The following SFI1 variants were observed in gnomAD, a reference collection of about 807,000 sequenced individuals.
The protein encoded by SFI1 is SFI1 centrin binding protein, also known as protein SFI1 homolog.
SFI1 carries 195 observed loss-of-function variants against 207.5 expected under a neutral mutation model. The observed-to-expected ratio is 0.94, with a 90% confidence interval of 0.84 to 1.06. SFI1 has a LOEUF of 1.06. SFI1 is among the 50% of genes least tolerant of loss of function. The pLI is 0.00. For synonymous variants in SFI1, 630 were observed against 598.9 expected, an observed-to-expected ratio of 1.05 and a Z score of -0.76; for missense variants, 1,634 against 1,588.0, an observed-to-expected ratio of 1.03 and a Z score of -0.49.
At chr22:31,522,939 C>T (rs1390110835) in intron 2 of SFI1, among the ~76,000 whole-genome samples, 1 of 152,148 alleles carries the variant, frequency 6.6e-6, no homozygotes, top group African/African-American at 2.4e-5. Context: ...CAGGTGTGAG[C>T]CACAGCACCC....
intron 6 of SFI1, among the ~76,000 whole-genome samples, chr22:31,552,397 C>T (rs1270400962): frequency 6.6e-6 from 1 of 152,060 alleles, no homozygotes; most frequent in Non-Finnish European, 1.5e-5. Flanking sequence ...GGACTACAGG[C>T]GTGTGCCACC....
chr22:31,581,252 T>C (rs2064136701), intron 12 of SFI1, among the ~76,000 whole-genome samples: 2 of 151,536 alleles, frequency 1.3e-5, no homozygotes, highest in Non-Finnish European at 2.9e-5. Flanking sequence ...GTGCTGGGAT[T>C]ACAGGTGTGA....
Position 31,613,787 on chromosome 22 carries a change from G to GC in SFI1, c.2930dup (p.Gln978ThrfsTer15), listed in dbSNP as rs1165612722. 3 of 1,612,288 alleles carry GC rather than the reference G, an allele frequency of 1.9e-6. No homozygotes were observed. Among genetic ancestry groups the GC allele is most frequent in the African/African-American group, 1.3e-5 (1 of 74,924 alleles). On this transcript the variant is annotated frameshift_variant, in exon 27 of 33. Coordinates refer to ENST00000400288, the MANE Select transcript of SFI1 (RefSeq NM_001007467.3). LOFTEE classifies it high-confidence loss of function. ...GGGATGGCACCCTTGAGACCAAGAG[G>GC]CCACAGGCTTCTCGGCCTCTGGGAG... is the stretch of plus-strand genomic sequence containing the variant.
chr22:31,615,317 T>G, intron 29 of SFI1, 38 bp downstream of exon 29: 1 of 1,429,492 alleles, frequency 7.0e-7, no homozygotes, highest in Non-Finnish European at 9.2e-7. Context: ...ACTGGGGCTC[T>G]CACTCTGGTC....
intron 15 of SFI1, among the ~76,000 whole-genome samples, chr22:31,591,610 A>ACCTC (rs2065938361): frequency 9.5e-6 from 1 of 105,152 alleles, no homozygotes; most frequent in Admixed American, 9.0e-5. Flanking sequence ...GACCCCCCCC[A>ACCTC]CCTCCCTCCC....
In SFI1 at chr22:31,604,771, G is replaced by T; in HGVS notation, c.1978-98G>T. 2.7e-6 allele frequency: 3 copies of T among 1,118,308 alleles called. No homozygotes were observed. The Admixed American group carries it at 7.4e-5, about 28-fold the overall frequency. 69.3% of individuals were successfully genotyped at this position (1,118,308 alleles called of 1,614,324 possible). A position where few individuals can be genotyped will look rare whatever the true frequency, so the allele number is the denominator to read the frequency against. ...TCTTCCTACCCTTTTTGAGTTCTCTGGGCATGGCAGCCTTGTGGTAGATGC... is the reference window on the plus strand; with the variant it reads ...TCTTCCTACCCTTTTTGAGTTCTCTTGGCATGGCAGCCTTGTGGTAGATGC... On this transcript the variant is annotated intron_variant, in intron 19 of 32. Coordinates refer to ENST00000400288, the MANE Select transcript of SFI1 (RefSeq NM_001007467.3).
intron 15 of SFI1, among the ~76,000 whole-genome samples, chr22:31,594,013 A>AG (rs1408738759): frequency 1.5e-5 from 2 of 134,900 alleles, no homozygotes; most frequent in African/African-American, 5.5e-5. Context: ...GGACAGGGAG[A>AG]GGGAGAGGGA....
chr22:31,604,264 A>G, intron 18 of SFI1, 45 bp from the exon 19 acceptor site: 5 of 1,502,434 alleles, frequency 3.3e-6, no homozygotes, highest in Non-Finnish European at 3.6e-6. Context: ...GCCACCCCCA[A>G]CTCAGACCCC....
chr22:31,618,106 A>AC lies in SFI1; in HGVS notation c.3513-5dup. ...AGCCTGGCAGGCAGTGGGTATCTCC[A>AC]CCCCTCAGGTCCTGTCGGCGGCAAG... On this transcript the variant is annotated splice_polypyrimidine_tract_variant and intron_variant, in intron 31 of 32. Coordinates refer to ENST00000400288, the MANE Select transcript of SFI1 (RefSeq NM_001007467.3). 6.4e-7 allele frequency: 1 copy of AC among 1,561,736 alleles called. No homozygotes were observed. The highest frequency in any genetic ancestry group is 8.7e-7 in the Non-Finnish European group (1 of 1,153,962).
rs1272821448 is a variant in SFI1, at chr22:31,580,333, G to A, written c.1217G>A (p.Arg406Lys). Residue 406 changes from arginine (R) to lysine (K), a missense_variant, in exon 12 of 33, where the codon AGG becomes AAG. Arg to Lys is a conservative substitution (Grantham distance 26). Transcript: ENST00000400288. Reference sequence around the variant, plus strand: ...CACGCTCATCTCCAGCAAATAAGAAGGAATCTTGCTCACCAGCAGCATGGT... The same window carrying A: ...CACGCTCATCTCCAGCAAATAAGAAAGAATCTTGCTCACCAGCAGCATGGT... ...VTHAHLQQIR[R>K]NLAHQQHGVT... 6.2e-7 allele frequency: 1 copy of A among 1,613,890 alleles called. No homozygotes were observed. Among genetic ancestry groups the A allele is most frequent in the Admixed American group, 1.7e-5 (1 of 60,002 alleles).
In SFI1 at chr22:31,578,449, G is replaced by C; in HGVS notation, c.1152G>C (p.Gln384His). Residue 384 changes from glutamine (Q) to histidine (H), a missense_variant, in exon 11 of 33, where the codon CAG (glutamine) becomes CAC (histidine). Physicochemically the swap from Gln to His is conservative, Grantham distance 24. Coordinates refer to ENST00000400288, the MANE Select transcript of SFI1 (RefSeq NM_001007467.3). The part of the protein sequence containing the change: ...EMAEEHHRHS[Q>H]LYFCFRALKD... ...CAGAAGAGCACCACAGGCACAGCCA[G>C]CTGGTAAGAGCCCTGCATCCTGGCA... 1.9e-6 allele frequency: 3 copies of C among 1,613,138 alleles called. No individual in the cohort carries two copies. Among genetic ancestry groups the C allele is most frequent in the Non-Finnish European group, 2.5e-6 (3 of 1,179,442 alleles).
In SFI1 at chr22:31,613,175, G is replaced by C. The variant is rs762943693; in HGVS notation, c.2524G>C (p.Val842Leu). ...AARRQEQRAT[V>L]RALWFWAFSL... is the part of the protein sequence containing the mutation. ...CAGGAGGCAGGAGCAGCGGGCGACA[G>C]TGCGGGCCCTGTGGTTCTGGGCCTT... The change falls in exon 25 of 33, where the codon GTG becomes CTG. Residue 842 changes from valine (V) to leucine (L), a missense_variant. Coordinates refer to ENST00000400288, the MANE Select transcript of SFI1 (RefSeq NM_001007467.3). 1.2e-6 allele frequency: 2 copies of C among 1,613,808 alleles called. No individual in the cohort carries two copies. Among genetic ancestry groups the C allele is most frequent in the East Asian group, 4.5e-5 (2 of 44,884 alleles).
intron 15 of SFI1, among the ~76,000 whole-genome samples, chr22:31,594,556 A>G (rs928893480): frequency 3.5e-5 from 4 of 112,968 alleles, no homozygotes; most frequent in Non-Finnish European, 5.5e-5. Flanking sequence ...TCAAAAAAAA[A>G]AAAAAAGAAA....
rs142873704 is a variant in SFI1 at position 31,591,253 on chromosome 22, A to G, written c.1544+1676A>G. Among the ~76,000 whole-genome samples, 997 of 152,294 alleles carry G rather than the reference A, an allele frequency of 6.5e-3. 17 individuals are homozygous for G. The highest frequency in any genetic ancestry group is 0.021 in the African/African-American group (882 of 41,556). On this transcript the variant is annotated intron_variant, in intron 15 of 32. Coordinates refer to ENST00000400288, the MANE Select transcript of SFI1 (RefSeq NM_001007467.3). ...GATCCATTTAACTCTGAGTGGACACAGCACATGTTTCAGAGAGCACAGGGT... is the reference window on the plus strand; with the variant it reads ...GATCCATTTAACTCTGAGTGGACACGGCACATGTTTCAGAGAGCACAGGGT...
At chr22:31,500,540 C>A (rs1334797214) in intron 1 of SFI1, among the ~76,000 whole-genome samples, 4 of 152,104 alleles carry the variant, frequency 2.6e-5, no homozygotes, top group Non-Finnish European at 5.9e-5. Context: ...TCACTGCAAC[C>A]TCTGCCTCCT....
intron 4 of SFI1, among the ~76,000 whole-genome samples, chr22:31,544,414 C>G (rs549225623): frequency 2.0e-5 from 3 of 146,514 alleles, no homozygotes; most frequent in Non-Finnish European, 4.5e-5. Context: ...GACATTACTA[C>G]TTTTTAGTAA....
chr22:31,618,205 G>C lies in SFI1; in HGVS notation c.3603G>C (p.Gln1201His). ...CTGAGGACCAGGAAGTAGAGCAGCA[G>C]GTGCAGAAAGAGCTGGAACAGGTGA... ...PGPEDQEVEQ[Q>H]VQKELEQVEM... The change falls in exon 32 of 33, where the codon CAG becomes CAC. Residue 1201 changes from glutamine (Q) to histidine (H), a missense_variant. Transcript: ENST00000400288. 1 of 1,596,862 alleles carries C rather than the reference G, an allele frequency of 6.3e-7. No individual in the cohort carries two copies. Among genetic ancestry groups the C allele is most frequent in the Non-Finnish European group, 8.5e-7 (1 of 1,173,458 alleles).
chr22:31,519,310 G>A (rs376935818), intron 2 of SFI1, among the ~76,000 whole-genome samples: 6 of 146,990 alleles, frequency 4.1e-5, no homozygotes, highest in East Asian at 4.0e-4. Flanking sequence ...TTGCTCTGTC[G>A]CTCAGGCTGG....
intron 2 of SFI1, 86 bp downstream of exon 2, chr22:31,508,462 TTA>T: frequency 6.0e-6 from 6 of 1,002,510 alleles, no homozygotes; most frequent in Admixed American, 2.4e-5. Context: ...AAATTATAAA[TTA>T]TGAGTGAGGT....
Sources: gnomAD v4.1 joint callset for allele counts (sites outside exome capture counted in the v4.1 genomes callset) on GRCh38, gnomAD v4.1.1 for gene constraint, MANE v1.5 for transcripts, NCBI Gene and HGNC (gene_info 2026-07-23, HGNC 2026-07-21) for gene names.